The following PRPF40B variants were observed in gnomAD, a reference collection of about 807,000 sequenced individuals.
The protein encoded by PRPF40B is pre-mRNA processing factor 40B.
Under a neutral mutation model 124.5 loss-of-function variants are expected in PRPF40B, and 56 were observed. The observed-to-expected ratio is 0.45, with a 90% CI of 0.36 to 0.56. The LOEUF is 0.56. Ranked by LOEUF, PRPF40B falls within the 20% of genes least tolerant of loss-of-function variation. The pLI is 0.00. For missense variants in PRPF40B, 1,053 were observed against 1,169.5 expected, an observed-to-expected ratio of 0.90 and a Z score of 1.45; for synonymous variants, 443 against 426.4, an observed-to-expected ratio of 1.04 and a Z score of -0.48.
At position 49,642,763 on chromosome 12, in the gene PRPF40B, C is replaced by A; in HGVS notation, c.2118+88C>A. The A allele has an allele frequency of 6.8e-7, 1 of 1,466,334 alleles. No individual in the cohort carries two copies. Among genetic ancestry groups the A allele is most frequent in the South Asian group, 1.2e-5 (1 of 82,806 alleles). The allele number at this position is 1,466,334 out of a possible 1,614,324, so 90.8% of individuals were successfully genotyped here. A position where few individuals can be genotyped will look rare whatever the true frequency, so the allele number is the denominator to read the frequency against. ...GAGACCTCAGTGGCCTCCCTCTTAC[C>A]CTTAGGGCACTCCTGGCCAGCTAAG... On this transcript the variant is annotated intron_variant, in intron 21 of 25. Coordinates refer to ENST00000548825, the MANE Select transcript of PRPF40B (RefSeq NM_001031698.3). The surrounding 1 kb of genome is among the most constrained non-coding windows in gnomAD (Gnocchi z 5.8).
rs781235317 is a variant in PRPF40B at position 49,636,817 on chromosome 12, C to T, written c.1528C>T (p.Arg510Cys). The T allele has an allele frequency of 1.3e-5, 21 of 1,614,036 alleles. No homozygotes were observed. The highest frequency in any genetic ancestry group is 1.7e-5 in the Admixed American group (1 of 60,010). The change falls in exon 16 of 26, where the codon CGC becomes TGC. Residue 510 changes from arginine (R) to cysteine (C), a missense_variant. Physicochemically the swap from Arg to Cys is radical, Grantham distance 180. Transcript: ENST00000548825. ...GGAGCGGGCCCGGCTTCGGGAGCGA[C>T]GCCAACAACGCAAGAATCGGGAGGC... ...ERERARLRER[R>C]QQRKNREAFQ...
chr12:49,643,462 A>C (rs1592625976), intron 23 of PRPF40B, 65 bp downstream of exon 23: 1 of 1,510,444 alleles, frequency 6.6e-7, no homozygotes, highest in East Asian at 2.3e-5. Context: ...GATGCCCTCC[A>C]CAAGCCCCAG....
chr12:49,627,530 C>CT (rs1455925458), intron 1 of PRPF40B, among the ~76,000 whole-genome samples: 1 of 152,042 alleles, frequency 6.6e-6, no homozygotes, highest in Admixed American at 6.5e-5. Context: ...AGGTGGATGC[C>CT]TGAGGTGGGA....
Position 49,644,338 on chromosome 12 carries a change from C to A in PRPF40B, c.*146C>A. The A allele has an allele frequency of 1.1e-6, 1 of 909,930 alleles. No individual in the cohort carries two copies. The highest frequency in any genetic ancestry group is 1.7e-6 in the Non-Finnish European group (1 of 586,418). 56.4% of individuals were successfully genotyped at this position (909,930 alleles called of 1,614,324 possible). ...ACCCCCAGCACACCATTGTTGGCAC[C>A]TCTCAAGGTTGCTCTTGGTGTTCAA... On this transcript the variant is annotated 3_prime_UTR_variant, in exon 26 of 26. Transcript: ENST00000548825.
At position 49,643,769 on chromosome 12, in the gene PRPF40B, C is replaced by G. The variant is rs767237679; in HGVS notation, c.2442+17C>G. 4 of 1,613,634 alleles carry G rather than the reference C, an allele frequency of 2.5e-6. No homozygotes were observed. In the East Asian group the frequency reaches 8.9e-5, roughly 36 times the overall value. On this transcript the variant is annotated intron_variant, in intron 24 of 25. Coordinates refer to ENST00000548825, the MANE Select transcript of PRPF40B (RefSeq NM_001031698.3). ...CACAAGTCGGTGAGTGAAGGAACTT[C>G]TACCTAAGCCCCTGCTATTTTGTGA...
intron 18 of PRPF40B, 73 bp downstream of exon 18, chr12:49,637,897 A>AAGTC (rs1410860389): frequency 2.3e-5 from 29 of 1,276,894 alleles, no homozygotes; most frequent in Non-Finnish European, 1.1e-6. Context: ...ACTCCCTGAT[A>AAGTC]AGTCCTGTTT....
chr12:49,642,636 G>C lies in PRPF40B; in HGVS notation c.2079G>C (p.Glu693Asp). 1 of 1,614,224 alleles carries C rather than the reference G, an allele frequency of 6.2e-7. No homozygotes were observed. Among genetic ancestry groups the C allele is most frequent in the Non-Finnish European group, 8.5e-7 (1 of 1,180,036 alleles). ...SAFEQITLES[E>D]RIRLFREFLQ... ...TTGAGCAGATCACCCTGGAGTCGGA[G>C]CGGATCCGGCTCTTCCGGGAGTTCC... is the stretch of plus-strand genomic sequence containing the variant. Residue 693 changes from glutamate to aspartate, a missense_variant, in exon 21 of 26, where the codon GAG becomes GAC. By Grantham distance (45) the Glu-to-Asp change is conservative (BLOSUM62 2). Transcript: ENST00000548825. The surrounding 1 kb of genome is among the most constrained non-coding windows in gnomAD (Gnocchi z 5.8).
chr12:49,637,709 GC>G, intron 17 of PRPF40B, 23 bp from the exon 18 acceptor site: 1 of 1,524,184 alleles, frequency 6.6e-7, no homozygotes, highest in Non-Finnish European at 9.0e-7. Flanking sequence ...CGCCCGCCAG[GC>G]CCCCCTCCCT....
In PRPF40B at chr12:49,643,000, G is replaced by C; in HGVS notation, c.2189G>C (p.Arg730Pro). Residue 730 changes from arginine to proline, a missense_variant, in exon 22 of 26, where the codon CGT becomes CCT. Physicochemically the swap from Arg to Pro is moderately radical, Grantham distance 103 (BLOSUM62 -2). Coordinates refer to ENST00000548825, the MANE Select transcript of PRPF40B (RefSeq NM_001031698.3). The surrounding 1 kb of genome is among the most constrained non-coding windows in gnomAD (Gnocchi z 5.8). ...AAAGGCAAGAAGCACCATCACAAGC[G>C]TTCCCACTCACCCTCAGTGAGTAAG... ...GRKGKKHHHK[R>P]SHSPSGSESE... is the part of the protein sequence containing the mutation. The C allele has an allele frequency of 1.2e-6, 2 of 1,613,744 alleles. No individual in the cohort carries two copies. Among genetic ancestry groups the C allele is most frequent in the Non-Finnish European group, 1.7e-6 (2 of 1,179,818 alleles).
chr12:49,625,135 C>T (rs1940590555), intron 1 of PRPF40B, among the ~76,000 whole-genome samples: 1 of 152,120 alleles, frequency 6.6e-6, no homozygotes, highest in Non-Finnish European at 1.5e-5. Flanking sequence ...ACCTTGGGAA[C>T]ACCTGGCTCG....
At position 49,633,651 on chromosome 12, in the gene PRPF40B, G is replaced by A. The variant is rs776377039; in HGVS notation, c.595G>A (p.Glu199Lys). 6.2e-7 allele frequency: 1 copy of A among 1,614,204 alleles called. No homozygotes were observed. Among genetic ancestry groups the A allele is most frequent in the South Asian group, 1.1e-5 (1 of 91,086 alleles). ...LDDLEVLVKQ[E>K]AAGKQQQQLP... ...TCCCATCACAGTTCTAGTCAAACAA[G>A]AGGCTGCAGGGTGAGTGACTTGCCC... Residue 199 changes from glutamate to lysine, a missense_variant, in exon 9 of 26, where the codon GAG (glutamate) becomes AAG (lysine). Glu to Lys is a moderately conservative substitution (Grantham distance 56). Around this residue, in one of 2 missense-constraint regions of PRPF40B, gnomAD observed 895 missense variants for 1,052.2 expected, o/e 0.85. Coordinates refer to ENST00000548825, the MANE Select transcript of PRPF40B (RefSeq NM_001031698.3).
At chr12:49,638,228 A>T (rs898956027) in intron 18 of PRPF40B, 1 of 182,748 alleles carries the variant, frequency 5.5e-6, no homozygotes, top group African/African-American at 2.4e-5. Flanking sequence ...AACTGGTAGC[A>T]CACAGATTGT....
Position 49,636,741 on chromosome 12 carries a change from C to A in PRPF40B, c.1452C>A (p.Ile484=), listed in dbSNP as rs777735176. ...ACATGGACAAGGAAGATGCACTGAT[C>A]TGTTTTGAGGAGCACATCCGAGCTT... ...LQNMDKEDAL[I]CFEEHIRALE... is the part of the protein sequence containing the mutation. The change falls in exon 16 of 26, where the codon ATC becomes ATA. Residue 484 remains isoleucine (I), a synonymous_variant. Transcript: ENST00000548825. 1 of 1,614,088 alleles carries A rather than the reference C, an allele frequency of 6.2e-7. No homozygotes were observed. Among genetic ancestry groups the A allele is most frequent in the Admixed American group, 1.7e-5 (1 of 60,002 alleles).
At chr12:49,638,949 A>G (rs1201303947) in intron 18 of PRPF40B, 1 of 152,242 alleles carries the variant, frequency 6.6e-6, no homozygotes, top group Non-Finnish European at 1.5e-5. Context: ...TAGGTGTTGC[A>G]TTTTAACACC....
chr12:49,633,945 AC>A lies in PRPF40B; in HGVS notation c.671del (p.Pro224HisfsTer86). 6 of 1,611,840 alleles carry A rather than the reference AC, an allele frequency of 3.7e-6. No individual in the cohort carries two copies. The highest frequency in any genetic ancestry group is 1.4e-5 in the African/African-American group (1 of 74,044). ...CCACAGCCACCTCAGCCACAGCCTG[AC>A]CCCCCACCTGTGCCTCCTGGCCCCA... ...LQPQPPQPQP[D>X]PPPVPPGPTP... On this transcript the variant is annotated frameshift_variant, in exon 10 of 26. Coordinates refer to ENST00000548825, the MANE Select transcript of PRPF40B (RefSeq NM_001031698.3). LOFTEE classifies it high-confidence loss of function.
rs759376299 is a variant in PRPF40B, at chr12:49,635,345, A to C, written c.1167-20A>C. On this transcript the variant is annotated intron_variant, in intron 13 of 25. Transcript: ENST00000548825. The surrounding 1 kb of genome is among the most constrained non-coding windows in gnomAD (Gnocchi z 4.1). ...GTCTCTGTTCTCTGTCTACCTACTC[A>C]CAGCTTATATGCTCCACAGGCGGGC... 3.7e-6 allele frequency: 6 copies of C among 1,611,204 alleles called. No homozygotes were observed. Among genetic ancestry groups the C allele is most frequent in the Admixed American group, 3.4e-5 (2 of 59,522 alleles).
rs774656758 is a variant in PRPF40B, at chr12:49,633,435, G to A, written c.468G>A (p.Leu156=). 6 of 1,614,162 alleles carry A rather than the reference G, an allele frequency of 3.7e-6. No individual in the cohort carries two copies. The highest frequency in any genetic ancestry group is 3.4e-6 in the Non-Finnish European group (4 of 1,180,022). Residue 156 remains leucine, a synonymous_variant, in exon 8 of 26, where the codon CTG becomes CTA. Coordinates refer to ENST00000548825, the MANE Select transcript of PRPF40B (RefSeq NM_001031698.3). ...ATCCCATCCACTTGCAGCTGCTCCT[G>A]TCCCAATGTCCCTGGAAAGAGTACA... is the stretch of plus-strand genomic sequence containing the variant. ...SVLKSKAELL[L]SQCPWKEYKS...
chr12:49,641,947 G>A lies in PRPF40B; in HGVS notation c.1807G>A (p.Asp603Asn). The change falls in exon 19 of 26, where the codon GAC becomes AAC. Residue 603 changes from aspartate to asparagine, a missense_variant. Physicochemically the swap from Asp to Asn is conservative, Grantham distance 23 (BLOSUM62 1). Coordinates refer to ENST00000548825, the MANE Select transcript of PRPF40B (RefSeq NM_001031698.3). The part of the protein sequence containing the change: ...FCVEVNTAFE[D>N]FAHVISFDKR... ...CGTGGAGGTGAACACGGCCTTTGAG[G>A]ACTTCGCCCACGTCATAAGCTTTGA... The A allele has an allele frequency of 6.2e-7, 1 of 1,613,888 alleles. No individual in the cohort carries two copies. The highest frequency in any genetic ancestry group is 8.5e-7 in the Non-Finnish European group (1 of 1,180,052).
intron 1 of PRPF40B, 159 bp downstream of exon 1, chr12:49,623,752 G>A: frequency 8.9e-7 from 1 of 1,129,676 alleles, no homozygotes; most frequent in Non-Finnish European, 1.1e-6. Flanking sequence ...CCGGGAGGGG[G>A]GATGGGGGCG....
Sources: allele counts gnomAD v4.1 joint callset (sites outside exome capture counted in the v4.1 genomes callset), GRCh38; gene constraint gnomAD v4.1.1; regional missense constraint gnomAD v4.1.1; non-coding constraint Gnocchi (gnomAD v3.1); transcripts MANE v1.5; gene names NCBI Gene and HGNC (gene_info 2026-07-23, HGNC 2026-07-21).